ZBTB16: variants seen among roughly 807,000 people sequenced by gnomAD.
ZBTB16 encodes zinc finger and BTB domain containing 16.
A neutral mutation model predicts 56.8 loss-of-function variants in ZBTB16; 8 were observed. That is an observed-to-expected ratio of 0.14 (90% CI 0.08 to 0.25). The LOEUF is 0.25. Ranked by LOEUF, ZBTB16 falls within the 10% of genes least tolerant of loss-of-function variation. ZBTB16 has a pLI of 1.00. For missense variants in ZBTB16, 625 were observed against 903.0 expected (o/e 0.69, Z 3.95); for synonymous variants, 363 against 368.5 (o/e 0.98, Z 0.17).
chr11:114,206,672 C>T (rs1206166275), intron 4 of ZBTB16, among the ~76,000 whole-genome samples: 1 of 152,238 alleles, frequency 6.6e-6, no homozygotes, highest in African/African-American at 2.4e-5. Flanking sequence ...AATTAGGGCT[C>T]AGCCCGCTTT....
At chr11:114,211,771 G>A (rs905318180) in intron 4 of ZBTB16, among the ~76,000 whole-genome samples, 27 of 152,198 alleles carry the variant, frequency 1.8e-4, no homozygotes, top group African/African-American at 6.0e-4. Context: ...AGGCCAGCTT[G>A]CAGTGGGGGA....
chr11:114,118,764 T>C lies in ZBTB16; in HGVS notation c.1269-37573T>C, dbSNP rs183630326. Among the ~76,000 whole-genome samples the C allele has an allele frequency of 2.2e-3, 341 of 152,186 alleles. 3 individuals are homozygous for C. Among genetic ancestry groups the C allele is most frequent in the Non-Finnish European group, 4.1e-4 (28 of 68,000 alleles). On this transcript the variant is annotated intron_variant, in intron 2 of 6. Coordinates refer to ENST00000335953, the MANE Select transcript of ZBTB16 (RefSeq NM_006006.6). The stretch of plus-strand genomic sequence containing the variant: ...AGAACAGGTAAAAGATAATTTGTGT[T>C]GAGTGAGGGGTTATGAAGAGACAAA...
At chr11:114,123,524 T>C (rs975650187) in intron 2 of ZBTB16, among the ~76,000 whole-genome samples, 4 of 152,170 alleles carry the variant, frequency 2.6e-5, no homozygotes, top group African/African-American at 9.7e-5. Context: ...TATGTATGTA[T>C]GCACATGTCT....
chr11:114,210,685 C>CT (rs11433049), intron 4 of ZBTB16: 219,227 of 222,228 alleles, frequency 0.99, 108,231 homozygotes, highest in East Asian at 1. Flanking sequence ...TGGTAAACTT[C>CT]CCAGAGCAAG....
At chr11:114,168,412 C>T (rs1942854007) in intron 3 of ZBTB16, among the ~76,000 whole-genome samples, 2 of 152,190 alleles carry the variant, frequency 1.3e-5, no homozygotes, top group South Asian at 4.1e-4. Flanking sequence ...GCTCAGGATG[C>T]ATGGTTTGGC....
chr11:114,219,079 C>T (rs75558046), intron 4 of ZBTB16, among the ~76,000 whole-genome samples: 2,321 of 152,192 alleles, frequency 0.015, 32 homozygotes, highest in Non-Finnish European at 0.027. Context: ...CATGTACGTG[C>T]GTGTATATGT....
chr11:114,156,266 C>A (rs1000015733), intron 2 of ZBTB16, 71 bp from the exon 3 acceptor site: 11 of 1,514,212 alleles, frequency 7.3e-6, no homozygotes, highest in Middle Eastern at 1.8e-4. Flanking sequence ...TGCCAAGCCC[C>A]CAGGTAGGGG....
Position 114,253,852 on chromosome 11 carries a change from CAG to C in ZBTB16, c.*3298_*3299del, listed in dbSNP as rs1206039061. Among the ~76,000 whole-genome samples the C allele has an allele frequency of 5.9e-5, 9 of 152,190 alleles. No homozygotes were observed. The highest frequency in any genetic ancestry group is 1.2e-4 in the Non-Finnish European group (8 of 68,032). On this transcript the variant is annotated 3_prime_UTR_variant, in exon 7 of 7. Transcript: ENST00000335953. ...GTTAAGGGGAGAGGAGGAGGGTAGA[CAG>C]GGGTCTCTCCCCAGGTGGGATCTGA...
intron 2 of ZBTB16, among the ~76,000 whole-genome samples, chr11:114,102,388 T>C (rs1004572205): frequency 6.6e-6 from 1 of 152,180 alleles, no homozygotes; most frequent in East Asian, 1.9e-4. Context: ...TAGACCGTCT[T>C]CTGGATCCTT....
chr11:114,136,195 G>A (rs922613405), intron 2 of ZBTB16, among the ~76,000 whole-genome samples: 2 of 152,102 alleles, frequency 1.3e-5, no homozygotes, highest in African/African-American at 2.4e-5. Context: ...GAACAACCTG[G>A]GTGTAGTTTT....
At chr11:114,085,177 A>G (rs548829291) in intron 2 of ZBTB16, among the ~76,000 whole-genome samples, 2 of 152,342 alleles carry the variant, frequency 1.3e-5, no homozygotes, top group South Asian at 4.1e-4. Context: ...ATCTCAGCCC[A>G]GTGCATGGAC....
intron 2 of ZBTB16, among the ~76,000 whole-genome samples, chr11:114,080,169 T>C (rs1034960669): frequency 5.9e-5 from 9 of 152,182 alleles, no homozygotes. Flanking sequence ...TGGAAGGCTC[T>C]GGAAGGTTAA....
intron 2 of ZBTB16, among the ~76,000 whole-genome samples, chr11:114,125,831 C>A (rs1480085857): frequency 6.6e-6 from 1 of 152,102 alleles, no homozygotes. Flanking sequence ...TACTTGACCC[C>A]CATAAAGGAA....
At position 114,153,497 on chromosome 11, in the gene ZBTB16, G is replaced by T. The variant is rs146534733; in HGVS notation, c.1269-2840G>T. Among the ~76,000 whole-genome samples, 437 of 152,352 alleles carry T rather than the reference G, an allele frequency of 2.9e-3. 1 individual carries two copies. The highest frequency in any genetic ancestry group is 9.6e-3 in the African/African-American group (401 of 41,590). Reference sequence around the variant, plus strand: ...GGTCTCTGAAGGCAGCGAAATGCATGACAACAGAGTCATTCCGAGGACAGG... The same window carrying T: ...GGTCTCTGAAGGCAGCGAAATGCATTACAACAGAGTCATTCCGAGGACAGG... On this transcript the variant is annotated intron_variant, in intron 2 of 6. Coordinates refer to ENST00000335953, the MANE Select transcript of ZBTB16 (RefSeq NM_006006.6).
chr11:114,154,201 A>C (rs1942347053), intron 2 of ZBTB16, among the ~76,000 whole-genome samples: 1 of 152,226 alleles, frequency 6.6e-6, no homozygotes, highest in Admixed American at 6.5e-5. Flanking sequence ...CCAAATCTGA[A>C]GACCGGTCAC....
At chr11:114,154,897 C>T (rs1389512568) in intron 2 of ZBTB16, among the ~76,000 whole-genome samples, 2 of 152,202 alleles carry the variant, frequency 1.3e-5, no homozygotes, top group Admixed American at 1.3e-4. Context: ...ATATGCTGGT[C>T]CTCATGCTGT....
At chr11:114,192,553 T>C (rs1943522467) in intron 4 of ZBTB16, among the ~76,000 whole-genome samples, 1 of 152,182 alleles carries the variant, frequency 6.6e-6, no homozygotes, top group East Asian at 1.9e-4. Context: ...CTTTTCTGAG[T>C]GGAAAACATG....
Position 114,166,135 on chromosome 11 carries a change from G to A in ZBTB16, c.1366+9701G>A, listed in dbSNP as rs114941145. On this transcript the variant is annotated intron_variant, in intron 3 of 6. Transcript: ENST00000335953. The stretch of plus-strand genomic sequence containing the variant: ...CAGGTGTTCAACTGCCTAGGTCTGT[G>A]GCTGTGGCTCTCCTGCGTTCTTGGG... 6.2e-3 allele frequency among the ~76,000 whole-genome samples: 940 copies of A among 152,130 alleles called. 13 individuals are homozygous for A. The highest frequency in any genetic ancestry group is 0.022 in the African/African-American group (894 of 41,478).
chr11:114,173,876 G>C (rs547438718), intron 3 of ZBTB16, among the ~76,000 whole-genome samples: 2 of 152,314 alleles, frequency 1.3e-5, no homozygotes, highest in East Asian at 1.9e-4. Flanking sequence ...GAATGCAACT[G>C]ATTGTCTTTT....
Sources: gnomAD v4.1 joint callset for allele counts (sites outside exome capture counted in the v4.1 genomes callset) on GRCh38, gnomAD v4.1.1 for gene constraint, MANE v1.5 for transcripts, NCBI Gene and HGNC (gene_info 2026-07-23, HGNC 2026-07-21) for gene names.